Variants in CCDC88C observed in about 807,000 individuals in gnomAD.
CCDC88C encodes the protein coiled-coil and HOOK domain protein 88C, also known as protein Daple.
Under a neutral mutation model 198.8 loss-of-function variants are expected in CCDC88C, and 131 were observed. The observed-to-expected ratio is 0.66, with a 90% CI of 0.57 to 0.76. The LOEUF (loss-of-function observed/expected upper bound fraction) is 0.76. Ranked by LOEUF, CCDC88C falls within the 30% of genes least tolerant of loss-of-function variation. The pLI is 0.00. For missense variants in CCDC88C, 2,553 were observed against 2,631.6 expected, an observed-to-expected ratio of 0.97 and a Z score of 0.65; for synonymous variants, 1,166 against 1,114.7, an observed-to-expected ratio of 1.05 and a Z score of -0.92.
chr14:91,377,863 G>T (rs1272172688), intron 3 of CCDC88C, among the ~76,000 whole-genome samples: 2 of 152,208 alleles, frequency 1.3e-5, no homozygotes, highest in Non-Finnish European at 2.9e-5. Context: ...GCAGCAGGAA[G>T]GAGGAAGGGG....
intron 11 of CCDC88C, 67 bp from the exon 12 acceptor site, chr14:91,324,990 G>A (rs1002056678): frequency 3.8e-6 from 6 of 1,590,060 alleles, no homozygotes; most frequent in Non-Finnish European, 4.3e-6. Flanking sequence ...ACAAGCCTCA[G>A]CCCCTGTATA....
At chr14:91,308,775 AAC>A (rs1399361607) in intron 16 of CCDC88C, among the ~76,000 whole-genome samples, 18 of 152,174 alleles carry the variant, frequency 1.2e-4, no homozygotes, top group Non-Finnish European at 2.2e-4. Flanking sequence ...CCGAAGGGGA[AAC>A]TGAGTCTCAG....
At chr14:91,324,327 C>T (rs996967138) in intron 12 of CCDC88C, among the ~76,000 whole-genome samples, 1 of 152,210 alleles carries the variant, frequency 6.6e-6, no homozygotes, top group African/African-American at 2.4e-5. Context: ...CCCTCCCCAC[C>T]CAGGAGAGAG....
At chr14:91,275,682 T>C (rs537535260) in intron 29 of CCDC88C, among the ~76,000 whole-genome samples, 1 of 151,960 alleles carries the variant, frequency 6.6e-6, no homozygotes, top group Non-Finnish European at 1.5e-5. Flanking sequence ...TTTCATTGTA[T>C]CTTTAGTAGA....
intron 3 of CCDC88C, among the ~76,000 whole-genome samples, chr14:91,375,619 A>G (rs1367819341): frequency 6.6e-6 from 1 of 152,090 alleles, no homozygotes; most frequent in Non-Finnish European, 1.5e-5. Flanking sequence ...GCCGGCCGAG[A>G]GCCCACACTT....
At chr14:91,293,540 C>T (rs865847742) in intron 23 of CCDC88C, among the ~76,000 whole-genome samples, 2,396 of 17,926 alleles carry the variant, frequency 0.13, 754 homozygotes, top group South Asian at 0.2. Context: ...CTGCCACGGC[C>T]CACCTTCCTG....
chr14:91,335,676 C>A (rs1893018623), intron 10 of CCDC88C, among the ~76,000 whole-genome samples: 1 of 152,216 alleles, frequency 6.6e-6, no homozygotes, highest in African/African-American at 2.4e-5. Flanking sequence ...TCTTCCATGA[C>A]TATATCCATG....
chr14:91,409,634 C>T (rs1335460707), intron 2 of CCDC88C, among the ~76,000 whole-genome samples: 10 of 151,792 alleles, frequency 6.6e-5, no homozygotes, highest in Non-Finnish European at 1.2e-4. Context: ...ATTATAGGTG[C>T]ATGCCACCAC....
At position 91,352,166 on chromosome 14, in the gene CCDC88C, G is replaced by A. The variant is rs796097271; in HGVS notation, c.340+7476C>T. Reference sequence around the variant, plus strand: ...TCTTCCCTCCTCCGCAGACGGCGGTGGCCACAGAGAGTAGGGCTGCTGGAA... The same window carrying A: ...TCTTCCCTCCTCCGCAGACGGCGGTAGCCACAGAGAGTAGGGCTGCTGGAA... On this transcript the variant is annotated intron_variant, in intron 4 of 29. Coordinates refer to ENST00000389857, the MANE Select transcript of CCDC88C (RefSeq NM_001080414.4). This position sits in a 1 kb window ranked among gnomAD's most constrained non-coding sequence, Gnocchi z 4.2. Among the ~76,000 whole-genome samples the A allele has an allele frequency of 1.4e-4, 21 of 152,358 alleles. No individual in the cohort carries two copies. The highest frequency in any genetic ancestry group is 4.3e-4 in the African/African-American group (18 of 41,598).
At chr14:91,306,822 T>A (rs1233363783) in intron 18 of CCDC88C, among the ~76,000 whole-genome samples, 1 of 152,236 alleles carries the variant, frequency 6.6e-6, no homozygotes, top group Non-Finnish European at 1.5e-5. Context: ...GAGGCTGAAT[T>A]GCCATGAAGG....
intron 22 of CCDC88C, among the ~76,000 whole-genome samples, chr14:91,295,513 C>G (rs1330250144): frequency 6.6e-6 from 1 of 152,132 alleles, no homozygotes; most frequent in Non-Finnish European, 1.5e-5. Context: ...GCCGGGGGGG[C>G]CCCAGGGAAC....
intron 3 of CCDC88C, among the ~76,000 whole-genome samples, chr14:91,389,027 C>T (rs1259166548): frequency 6.6e-6 from 1 of 152,178 alleles, no homozygotes; most frequent in African/African-American, 2.4e-5. Context: ...TTCTGCTCAG[C>T]CTGTCAGAAT....
intron 16 of CCDC88C, 105 bp from the exon 17 acceptor site, chr14:91,308,597 G>A (rs1003367780): frequency 2.0e-5 from 24 of 1,204,956 alleles, no homozygotes; most frequent in Admixed American, 1.5e-4. Context: ...GCTGGGTTAC[G>A]GAGCTGCTGC....
Position 91,371,280 on chromosome 14 carries a change from T to TTGCTGATGGATGGAAAAGTCAGTAGTTC in CCDC88C, c.271-11597_271-11570dup. Among the ~76,000 whole-genome samples, 1 of 152,188 alleles carries TTGCTGATGGATGGAAAAGTCAGTAGTTC rather than the reference T, an allele frequency of 6.6e-6. No homozygotes were observed. The highest frequency in any genetic ancestry group is 6.5e-5 in the Admixed American group (1 of 15,290). ...AAGCTTCTTGGCAAAGTCAGTATTT[T>TTGCTGATGGATGGAAAAGTCAGTAGTTC]TGCTGATGGATGGAAAAGTCAGTAG... On this transcript the variant is annotated intron_variant, in intron 3 of 29. Transcript: ENST00000389857. The surrounding 1 kb of genome is among the most constrained non-coding windows in gnomAD (Gnocchi z 4.2).
chr14:91,276,908 G>A (rs1251476123), intron 29 of CCDC88C, among the ~76,000 whole-genome samples: 1 of 152,240 alleles, frequency 6.6e-6, no homozygotes, highest in African/African-American at 2.4e-5. Context: ...CAGAGCTGGG[G>A]CCAAATCCAG....
chr14:91,308,988 A>G (rs1891681236), intron 16 of CCDC88C, among the ~76,000 whole-genome samples: 1 of 152,214 alleles, frequency 6.6e-6, no homozygotes, highest in African/African-American at 2.4e-5. Flanking sequence ...GCACTTTGGG[A>G]TGCCAAGGCG....
intron 3 of CCDC88C, among the ~76,000 whole-genome samples, chr14:91,380,675 A>G (rs1468024241): frequency 1.3e-5 from 2 of 152,064 alleles, no homozygotes; most frequent in Non-Finnish European, 2.9e-5. Context: ...CCACAATTAC[A>G]TGCTCTGAAG....
rs776175229 is a variant in CCDC88C at position 91,307,042 on chromosome 14, C to T, written c.3191G>A (p.Arg1064Gln). The change falls in exon 18 of 30, where the codon CGG becomes CAG. Residue 1064 changes from arginine to glutamine, a missense_variant. This residue lies in a region of CCDC88C where 1,260 missense variants were observed against 1,412.0 expected (regional missense o/e 0.89). Transcript: ENST00000389857. The stretch of plus-strand genomic sequence containing the variant: ...TGCCCAGGCCAGCCCACTCACATTC[C>T]GCTCCAGCTCGATGGCCCGGTCCTT... The part of the protein sequence containing the change: ...RVKDRAIELE[R>Q]NNAALQAEKQ... 1.8e-5 allele frequency: 29 copies of T among 1,609,150 alleles called. No homozygotes were observed. The highest frequency in any genetic ancestry group is 6.6e-5 in the South Asian group (6 of 90,480).
intron 25 of CCDC88C, chr14:91,285,751 T>C: frequency 7.8e-7 from 1 of 1,288,772 alleles, no homozygotes; most frequent in Non-Finnish European, 1.0e-6. Flanking sequence ...ACCGCAGGCG[T>C]TTAGAGAGAG....
Sources: allele counts gnomAD v4.1 joint callset (sites outside exome capture counted in the v4.1 genomes callset), GRCh38; gene constraint gnomAD v4.1.1; regional missense constraint gnomAD v4.1.1; non-coding constraint Gnocchi (gnomAD v3.1); transcripts MANE v1.5; gene names NCBI Gene and HGNC (gene_info 2026-07-23, HGNC 2026-07-21).